GGT1: variants seen among roughly 807,000 people sequenced by gnomAD.
GGT1 encodes gamma-glutamyltransferase 1.
Under a neutral mutation model 56.0 loss-of-function variants are expected in GGT1, and 21 were observed. That is an observed-to-expected ratio of 0.38 (90% confidence interval 0.27 to 0.54). The LOEUF is 0.54. Ranked by LOEUF, GGT1 falls within the 20% of genes least tolerant of loss-of-function variation. GGT1 has a pLI of 0.82. For missense variants in GGT1, 466 were observed against 787.0 expected, an observed-to-expected ratio of 0.59 and a Z score of 4.88; for synonymous variants, 238 against 342.6, an observed-to-expected ratio of 0.69 and a Z score of 3.37.
In GGT1 at chr22:24,628,911, G is replaced by A; in HGVS notation, c.*72G>A. On this transcript the variant is annotated 3_prime_UTR_variant, in exon 16 of 16. Coordinates refer to ENST00000400382, the MANE Select transcript of GGT1 (RefSeq NM_001288833.2). The surrounding 1 kb of genome is among the most constrained non-coding windows in gnomAD (Gnocchi z 5.7). ...TCACCAGGACCAGGAAGGGGACTCTGGGGGACCGGCTTCCCCTGTGAGCAG... is the reference window on the plus strand; with the variant it reads ...TCACCAGGACCAGGAAGGGGACTCTAGGGGACCGGCTTCCCCTGTGAGCAG... 6.3e-7 allele frequency: 1 copy of A among 1,598,136 alleles called. No homozygotes were observed. The highest frequency in any genetic ancestry group is 1.7e-5 in the Admixed American group (1 of 57,342).
At chr22:24,598,961 C>A (rs150617959), upstream of GGT1, among the ~76,000 whole-genome samples, 140 of 152,294 alleles carry the variant, frequency 9.2e-4, no homozygotes, top group African/African-American at 3.1e-3. Context: ...AAGACAGGGT[C>A]TCTCTATGTT....
At chr22:24,604,876 T>C (rs2045934651) in intron 1 of GGT1, among the ~76,000 whole-genome samples, 1 of 148,248 alleles carries the variant, frequency 6.7e-6, no homozygotes, top group Admixed American at 7.0e-5. Context: ...GCTGCCAGGC[T>C]TCAGCTGTGC....
At chr22:24,589,425 G>A in the GGT1 span, 1 of 1,000,254 alleles carries the variant, frequency 1.0e-6, no homozygotes, top group Non-Finnish European at 1.2e-6. Context: ...AGCCGAGAGC[G>A]GCTCTCTTCT....
At chr22:24,627,102 G>A in intron 11 of GGT1, 4 of 638,520 alleles carry the variant, frequency 6.3e-6, no homozygotes, top group Admixed American at 3.3e-5. Context: ...GGACCTAAGT[G>A]TCTGTTCCCT....
At position 24,623,265 on chromosome 22, in the gene GGT1, T is replaced by G; in HGVS notation, c.883+9T>G. ...CCTCAACATCCTCAAAGGTGAGTGGTCGCACCACAGCCGTGTGGTAGGACC... is the reference window on the plus strand; with the variant it reads ...CCTCAACATCCTCAAAGGTGAGTGGGCGCACCACAGCCGTGTGGTAGGACC... On this transcript the variant is annotated intron_variant, in intron 10 of 15. Transcript: ENST00000400382. The G allele has an allele frequency of 6.4e-7, 1 of 1,558,442 alleles. No homozygotes were observed. The highest frequency in any genetic ancestry group is 2.3e-5 in the East Asian group (1 of 42,658).
chr22:24,611,289 A>G, intron 5 of GGT1, 44 bp downstream of exon 5: 1 of 1,222,794 alleles, frequency 8.2e-7, no homozygotes, highest in East Asian at 2.5e-5. Flanking sequence ...AAAACTGGGC[A>G]AGTGGACCTG....
the GGT1 span, chr22:24,589,374 T>C: frequency 1.1e-5 from 12 of 1,125,548 alleles, 1 homozygote; most frequent in South Asian, 1.7e-4. Context: ...TCCGCAAGGG[T>C]GTCTGTACAG....
rs773439291 is a variant in GGT1 at position 24,620,324 on chromosome 22, C to T, written c.383-4C>T. The T allele has an allele frequency of 6.8e-6, 11 of 1,611,502 alleles. No homozygotes were observed. Among genetic ancestry groups the T allele is most frequent in the South Asian group, 1.1e-5 (1 of 90,958 alleles). ...GGTCACTAACTATGGCTCTCTCTCC[C>T]CAGGGGGGCTGTCGGTGGCGGTGCC... On this transcript the variant is annotated splice_region_variant and splice_polypyrimidine_tract_variant and intron_variant, in intron 7 of 15. Coordinates refer to ENST00000400382, the MANE Select transcript of GGT1 (RefSeq NM_001288833.2). The surrounding 1 kb of genome is among the most constrained non-coding windows in gnomAD (Gnocchi z 5.6).
At chr22:24,589,513 A>G in the GGT1 span, 35 of 482,192 alleles carry the variant, frequency 7.3e-5, no homozygotes, top group Non-Finnish European at 1.0e-4. Context: ...CAGGGTCCCC[A>G]TATGACTTCT....
rs1327469885 is a variant in GGT1, at chr22:24,623,266, C to T, written c.883+10C>T. ...CTCAACATCCTCAAAGGTGAGTGGT[C>T]GCACCACAGCCGTGTGGTAGGACCC... On this transcript the variant is annotated intron_variant, in intron 10 of 15. Transcript: ENST00000400382. 1.9e-6 allele frequency: 3 copies of T among 1,552,312 alleles called. No individual in the cohort carries two copies. The highest frequency in any genetic ancestry group is 2.6e-6 in the Non-Finnish European group (3 of 1,144,730).
upstream of GGT1, among the ~76,000 whole-genome samples, chr22:24,591,735 T>G (rs983202402): frequency 3.3e-5 from 5 of 152,202 alleles, no homozygotes; most frequent in Non-Finnish European, 4.4e-5. Context: ...GTCTGGCTGA[T>G]TCAGTGCTGC....
chr22:24,610,319 G>A lies in GGT1; in HGVS notation c.-220G>A, dbSNP rs1285286306. 9 of 274,062 alleles carry A rather than the reference G, an allele frequency of 3.3e-5. No individual in the cohort carries two copies. The highest frequency in any genetic ancestry group is 6.6e-5 in the Non-Finnish European group (9 of 136,660). 17.0% of individuals were successfully genotyped at this position (274,062 alleles called of 1,614,324 possible). ...AACACGGAGTCCCCCAGAAAGGTCT[G>A]GGCTGCGCGTGCTTCAGGTAACCTC... is the stretch of plus-strand genomic sequence containing the variant. On this transcript the variant is annotated 5_prime_UTR_variant, in exon 4 of 16. Transcript: ENST00000400382.
At chr22:24,589,410 G>A in the GGT1 span, 8 of 1,047,136 alleles carry the variant, frequency 7.6e-6, no homozygotes, top group South Asian at 1.3e-4. Flanking sequence ...ACAGACGGGG[G>A]CTCTAGCCGA....
the GGT1 span, chr22:24,589,776 G>T: frequency 6.4e-7 from 1 of 1,568,968 alleles, no homozygotes; most frequent in Non-Finnish European, 8.6e-7. Flanking sequence ...TGGCCCCCCT[G>T]TCCACCACAG....
At chr22:24,603,876 G>A (rs77585815) in intron 1 of GGT1, among the ~76,000 whole-genome samples, 1 of 151,974 alleles carries the variant, frequency 6.6e-6, no homozygotes, top group South Asian at 2.1e-4. Flanking sequence ...GGATTGGGGT[G>A]GGGCAGGGCC....
chr22:24,588,474 CT>C, the GGT1 span: 2 of 771,860 alleles, frequency 2.6e-6, no homozygotes, highest in Non-Finnish European at 4.2e-6. Context: ...GGGCCTCCCC[CT>C]CCTACCCCCC....
At chr22:24,583,884 G>A in the GGT1 span, 9 of 442,586 alleles carry the variant, frequency 2.0e-5, no homozygotes, top group South Asian at 8.1e-5. Flanking sequence ...TCAGCAGGGC[G>A]CAAGGGACTG....
chr22:24,590,614 C>G (rs986914135), upstream of GGT1, among the ~76,000 whole-genome samples: 21 of 152,106 alleles, frequency 1.4e-4, no homozygotes, highest in Non-Finnish European at 2.1e-4. Context: ...CTTATGACCC[C>G]TCAAATTCCC....
chr22:24,627,284 G>A, intron 11 of GGT1, 148 bp from the exon 12 acceptor site: 1 of 1,341,270 alleles, frequency 7.5e-7, no homozygotes, highest in South Asian at 1.4e-5. Context: ...GCAAGGTCCT[G>A]GGCCTGCCCT....
Sources: gnomAD v4.1 joint callset for allele counts (sites outside exome capture counted in the v4.1 genomes callset) on GRCh38, gnomAD v4.1.1 for gene constraint, Gnocchi (gnomAD v3.1) non-coding constraint, MANE v1.5 for transcripts, NCBI Gene and HGNC (gene_info 2026-07-23, HGNC 2026-07-21) for gene names.